SAMD3: variants seen among roughly 807,000 people sequenced by gnomAD.
SAMD3 encodes the protein sterile alpha motif domain-containing protein 3.
A neutral mutation model predicts 58.5 loss-of-function variants in SAMD3; 63 were observed. That is an observed-to-expected ratio of 1.08 (90% CI 0.88 to 1.33). SAMD3 has a LOEUF of 1.33. Among genes scored for constraint, SAMD3 ranks in the 40% most tolerant of loss-of-function variants. The pLI is 0.00. For synonymous variants in SAMD3, 220 were observed against 210.3 expected (o/e 1.05, Z -0.40); for missense variants, 604 against 608.4 (o/e 0.99, Z 0.08).
At chr6:130,243,382 C>G (rs72984568) in intron 2 of SAMD3, among the ~76,000 whole-genome samples, 3,285 of 152,236 alleles carry the variant, frequency 0.022, 59 homozygotes, top group Non-Finnish European at 0.036. Context: ...CTACCTCTAC[C>G]TCCCCATGGC....
At chr6:130,274,555 C>T (rs923570676) in intron 2 of SAMD3, among the ~76,000 whole-genome samples, 3 of 152,024 alleles carry the variant, frequency 2.0e-5, no homozygotes, top group Non-Finnish European at 4.4e-5. Context: ...GGACTCCATC[C>T]ATCCTTAGGA....
intron 9 of SAMD3, among the ~76,000 whole-genome samples, chr6:130,147,981 T>C (rs2152192): frequency 0.93 from 140,924 of 152,308 alleles, 65,328 homozygotes; most frequent in East Asian, 1. Context: ...TTGGAGATAA[T>C]TTTTATTACT....
intron 2 of SAMD3, among the ~76,000 whole-genome samples, chr6:130,279,499 T>C (rs1400380694): frequency 1.3e-5 from 2 of 150,820 alleles, no homozygotes; most frequent in Non-Finnish European, 3.0e-5. Context: ...TTTTTTTTTT[T>C]TTTTTTTGAG....
chr6:130,152,787 G>A (rs1211285975), intron 9 of SAMD3, among the ~76,000 whole-genome samples: 1 of 152,184 alleles, frequency 6.6e-6, no homozygotes, highest in Non-Finnish European at 1.5e-5. Context: ...TGAAATACTT[G>A]AGGAATGGTG....
At chr6:130,198,318 C>G (rs1262376662) in intron 5 of SAMD3, among the ~76,000 whole-genome samples, 1 of 152,082 alleles carries the variant, frequency 6.6e-6, no homozygotes, top group Non-Finnish European at 1.5e-5. Context: ...AAGCCTCCCC[C>G]CTTAGCCTCC....
Position 130,281,332 on chromosome 6 carries a change from G to C in SAMD3, c.-188+31646C>G, listed in dbSNP as rs541545360. ...TTGCTTACTGATTTTATAGTATAAA[G>C]TTATTATTTCCTCTTTATTTACATT... On this transcript the variant is annotated intron_variant, in intron 2 of 13. Coordinates refer to the SAMD3 transcript ENST00000368134. Among the ~76,000 whole-genome samples the C allele has an allele frequency of 1.9e-3, 285 of 152,280 alleles. 1 individual carries two copies. Among genetic ancestry groups the C allele is most frequent in the Middle Eastern group, 0.01 (3 of 294 alleles).
At chr6:130,345,226 T>C (rs1777408235) in intron 1 of SAMD3, among the ~76,000 whole-genome samples, 1 of 152,176 alleles carries the variant, frequency 6.6e-6, no homozygotes, top group African/African-American at 2.4e-5. Context: ...GATACTTGTG[T>C]GGAGGTGGAG....
chr6:130,334,384 G>C (rs1014360457), intron 1 of SAMD3, among the ~76,000 whole-genome samples: 1 of 146,048 alleles, frequency 6.8e-6, no homozygotes, highest in African/African-American at 2.7e-5. Context: ...CACGGCATTG[G>C]GTTTTGGTCT....
At chr6:130,179,725 G>A (rs143216704) in intron 7 of SAMD3, among the ~76,000 whole-genome samples, 198 of 151,562 alleles carry the variant, frequency 1.3e-3, no homozygotes, top group African/African-American at 4.7e-3. Flanking sequence ...ATGTGAATAT[G>A]GATTGTATAT....
intron 2 of SAMD3, among the ~76,000 whole-genome samples, chr6:130,232,173 C>T (rs1457347659): frequency 1.3e-5 from 2 of 152,078 alleles, no homozygotes; most frequent in Admixed American, 1.3e-4. Context: ...CCTTTTTGTC[C>T]ACTGTCTGGG....
At chr6:130,205,039 C>T (rs1053107052) in intron 5 of SAMD3, among the ~76,000 whole-genome samples, 4 of 151,658 alleles carry the variant, frequency 2.6e-5, no homozygotes, top group Admixed American at 6.6e-5. Flanking sequence ...ACTTGTTCCC[C>T]ACCTCTCTCT....
At position 130,318,423 on chromosome 6, in the gene SAMD3, A is replaced by T. The variant is rs558334673; in HGVS notation, c.-303-5330T>A. On this transcript the variant is annotated intron_variant, in intron 1 of 13. Coordinates refer to the SAMD3 transcript ENST00000368134. ...ACAATGTTTGACATCTAATAAAAAA[A>T]TTTTTTTTTTAATTTTTTATTTTGA... 4.9e-3 allele frequency among the ~76,000 whole-genome samples: 745 copies of T among 151,024 alleles called. 5 individuals carry two copies. Among genetic ancestry groups the T allele is most frequent in the African/African-American group, 0.016 (660 of 40,984 alleles).
chr6:130,296,853 C>T (rs1415105633), intron 2 of SAMD3, among the ~76,000 whole-genome samples: 1 of 152,124 alleles, frequency 6.6e-6, no homozygotes, highest in Non-Finnish European at 1.5e-5. Flanking sequence ...AAATAAGGGT[C>T]ATGAGCCCTA....
rs140938575 is a variant in SAMD3, at chr6:130,155,508, A to G, written c.823-483T>C. The stretch of plus-strand genomic sequence containing the variant: ...GGTTATTTTCTGATGCTAAATCATT[A>G]AACTAATAATTTTATTCACTATACA... On this transcript the variant is annotated intron_variant, in intron 8 of 11. Transcript: ENST00000439090. Among the ~76,000 whole-genome samples, 30 of 152,368 alleles carry G rather than the reference A, an allele frequency of 2.0e-4. No individual in the cohort carries two copies. The East Asian group carries it at 5.2e-3, about 26-fold the overall frequency.
chr6:130,292,588 G>A lies in SAMD3; in HGVS notation c.-188+20390C>T, dbSNP rs1408993238. Among the ~76,000 whole-genome samples, 3 of 149,726 alleles carry A rather than the reference G, an allele frequency of 2.0e-5. No individual in the cohort carries two copies. The East Asian group carries it at 6.0e-4, about 30-fold the overall frequency. ...AGGCGTGTGTCACCATGCCCGGCCC[G>A]GAACAACTCTTTTTTGTTTGTTTGT... On this transcript the variant is annotated intron_variant, in intron 2 of 13. Coordinates refer to the SAMD3 transcript ENST00000368134.
intron 2 of SAMD3, among the ~76,000 whole-genome samples, chr6:130,250,816 C>T (rs968300532): frequency 6.6e-6 from 1 of 152,010 alleles, no homozygotes. Context: ...ATTAACATAC[C>T]ACATTTTGTT....
At chr6:130,246,109 A>T (rs1442923334) in intron 2 of SAMD3, among the ~76,000 whole-genome samples, 3 of 152,230 alleles carry the variant, frequency 2.0e-5, no homozygotes, top group Non-Finnish European at 4.4e-5. Flanking sequence ...AGTTTATTTA[A>T]AAGATGTTCA....
chr6:130,341,935 G>T (rs2115024411), intron 1 of SAMD3, among the ~76,000 whole-genome samples: 1 of 152,130 alleles, frequency 6.6e-6, no homozygotes, highest in Admixed American at 6.6e-5. Context: ...TCCACCAATG[G>T]ATTTAACTTA....
At chr6:130,195,128 C>T (rs1793969865) in intron 5 of SAMD3, among the ~76,000 whole-genome samples, 1 of 152,144 alleles carries the variant, frequency 6.6e-6, no homozygotes, top group South Asian at 2.1e-4. Context: ...AAATTATCTG[C>T]TTCCCTGACT....
Sources: allele counts gnomAD v4.1 joint callset (sites outside exome capture counted in the v4.1 genomes callset), GRCh38; gene constraint gnomAD v4.1.1; transcripts MANE v1.5; gene names NCBI Gene and HGNC (gene_info 2026-07-23, HGNC 2026-07-21).